Variants in KIF13B observed in about 807,000 individuals in gnomAD.
KIF13B encodes the protein kinesin family member 13B, also known as kinesin-like protein KIF13B.
A neutral mutation model predicts 222.0 loss-of-function variants in KIF13B; 127 were observed. The observed-to-expected ratio is 0.57, with a 90% CI of 0.50 to 0.66. The LOEUF is 0.66. Among genes scored for constraint, KIF13B ranks in the 30% least tolerant of loss-of-function variants. The pLI, the probability that KIF13B is intolerant of heterozygous loss-of-function variation, is 0.00. For missense variants in KIF13B, 2,173 were observed against 2,379.0 expected, an observed-to-expected ratio of 0.91 and a Z score of 1.80; for synonymous variants, 976 against 919.0, an observed-to-expected ratio of 1.06 and a Z score of -1.12.
intron 2 of KIF13B, among the ~76,000 whole-genome samples, chr8:29,225,726 C>A (rs1232784475): frequency 6.6e-6 from 1 of 152,146 alleles, no homozygotes; most frequent in Non-Finnish European, 1.5e-5. Context: ...AAAGAATGTT[C>A]GTCTGGGCAG....
At chr8:29,229,761 T>C (rs1347373012) in intron 2 of KIF13B, among the ~76,000 whole-genome samples, 1 of 152,164 alleles carries the variant, frequency 6.6e-6, no homozygotes, top group Non-Finnish European at 1.5e-5. Flanking sequence ...TAAATAAACA[T>C]CTTACAGTTG....
chr8:29,192,855 G>A (rs1442107600), intron 3 of KIF13B, among the ~76,000 whole-genome samples: 1 of 152,120 alleles, frequency 6.6e-6, no homozygotes, highest in East Asian at 1.9e-4. Flanking sequence ...AACCAAGAGT[G>A]CTTGCTTGTG....
intron 2 of KIF13B, among the ~76,000 whole-genome samples, chr8:29,223,373 G>A (rs1302062584): frequency 2.0e-5 from 3 of 147,172 alleles, no homozygotes. Context: ...AACATTTTCT[G>A]TACAAGACAA....
intron 34 of KIF13B, 81 bp downstream of exon 34, chr8:29,109,353 C>T (rs2291450): frequency 0.12 from 130,471 of 1,088,726 alleles, 10,168 homozygotes; most frequent in Admixed American, 0.31. Flanking sequence ...TGGGGTTTGA[C>T]GGGTGGAGAA....
intron 29 of KIF13B, among the ~76,000 whole-genome samples, chr8:29,122,113 G>A (rs2129732454): frequency 6.6e-6 from 1 of 152,192 alleles, no homozygotes; most frequent in South Asian, 2.1e-4. Flanking sequence ...AATTAGCCGG[G>A]CGTGGTGGCA....
intron 2 of KIF13B, among the ~76,000 whole-genome samples, chr8:29,235,558 G>A (rs1176806064): frequency 1.3e-5 from 2 of 152,130 alleles, no homozygotes; most frequent in African/African-American, 4.8e-5. Flanking sequence ...ATCTAGTGCA[G>A]ACCACCAAAG....
chr8:29,133,628 A>G (rs2129855362), intron 22 of KIF13B, among the ~76,000 whole-genome samples: 1 of 152,246 alleles, frequency 6.6e-6, no homozygotes, highest in South Asian at 2.1e-4. Context: ...TGCACTATCA[A>G]CAAAGATAAC....
At chr8:29,084,478 A>G (rs1698826165) in intron 37 of KIF13B, among the ~76,000 whole-genome samples, 1 of 152,176 alleles carries the variant, frequency 6.6e-6, no homozygotes, top group Non-Finnish European at 1.5e-5. Context: ...GCCTTTATCT[A>G]CCTACCACAC....
At chr8:29,173,000 C>T (rs1241742574) in intron 10 of KIF13B, among the ~76,000 whole-genome samples, 10 of 152,000 alleles carry the variant, frequency 6.6e-5, no homozygotes, top group Admixed American at 4.6e-4. Flanking sequence ...CTGCAACCTC[C>T]GACTCCCAGG....
Position 29,198,746 on chromosome 8 carries a change from G to A in KIF13B, c.150-2547C>T, listed in dbSNP as rs1285134991. ...AGACACATGCATATGTATGTTTATT[G>A]TAACACAGTTCCCAATTTGCAGCAC... is the stretch of plus-strand genomic sequence containing the variant. On this transcript the variant is annotated intron_variant, in intron 2 of 39. Transcript: ENST00000524189. Among the ~76,000 whole-genome samples the A allele has an allele frequency of 2.0e-5, 3 of 152,106 alleles. No individual in the cohort carries two copies. The East Asian group carries it at 5.8e-4, about 29-fold the overall frequency.
In KIF13B at chr8:29,075,422, A is replaced by AG. The variant is rs1344659246; in HGVS notation, c.4459-80dup. 42 of 1,340,972 alleles carry AG rather than the reference A, an allele frequency of 3.1e-5. No individual in the cohort carries two copies. The South Asian group carries it at 5.9e-4, about 19-fold the overall frequency. The allele number at this position is 1,340,972 out of a possible 1,614,324, so 83.1% of individuals were successfully genotyped here. ...GAAAGGTTTCCGCTGCACAGGCTGG[A>AG]GGGCCAGGACCTGCCCGAGGGGAAT... On this transcript the variant is annotated intron_variant, in intron 37 of 39. Coordinates refer to ENST00000524189, the MANE Select transcript of KIF13B (RefSeq NM_015254.4).
intron 14 of KIF13B, among the ~76,000 whole-genome samples, chr8:29,150,875 T>G (rs1174696455): frequency 6.6e-6 from 1 of 152,106 alleles, no homozygotes. Context: ...ATATTGAAAT[T>G]AGGCTAATTA....
At chr8:29,195,533 T>C (rs1238072962) in intron 3 of KIF13B, among the ~76,000 whole-genome samples, 2 of 152,174 alleles carry the variant, frequency 1.3e-5, no homozygotes, top group Non-Finnish European at 2.9e-5. Flanking sequence ...AGCCACGGAC[T>C]GTAAAGGAAA....
At position 29,068,194 on chromosome 8, in the gene KIF13B, C is replaced by G. The variant is rs1334122870; in HGVS notation, c.*2310G>C. 1 of 152,154 alleles carries G rather than the reference C, an allele frequency of 6.6e-6. No homozygotes were observed. Among genetic ancestry groups the G allele is most frequent in the Admixed American group, 6.5e-5 (1 of 15,286 alleles). 9.4% of individuals were successfully genotyped at this position (152,154 alleles called of 1,614,324 possible). On this transcript the variant is annotated 3_prime_UTR_variant, in exon 40 of 40. Coordinates refer to ENST00000524189, the MANE Select transcript of KIF13B (RefSeq NM_015254.4). This position sits in a 1 kb window ranked among gnomAD's most constrained non-coding sequence, Gnocchi z 4.4. The stretch of plus-strand genomic sequence containing the variant: ...TGCCACTCCTGGGGCCTTCCAGGAG[C>G]GCATCGGGAGTCCTAAGGCGGGTGG...
intron 26 of KIF13B, among the ~76,000 whole-genome samples, chr8:29,126,062 G>C (rs935374602): frequency 1.3e-5 from 2 of 151,970 alleles, no homozygotes; most frequent in African/African-American, 4.8e-5. Flanking sequence ...ACTCCAGCCT[G>C]GGCAACAGGG....
In KIF13B at chr8:29,090,271, G is replaced by A. The variant is rs150223337; in HGVS notation, c.4458+2474C>T. ...CACTGGAAGGTGTCACACCACTGAC[G>A]ACTGTGAGGCTGTGAAAGATCATTC... On this transcript the variant is annotated intron_variant, in intron 37 of 39. Transcript: ENST00000524189. Among the ~76,000 whole-genome samples the A allele has an allele frequency of 2.0e-3, 306 of 152,256 alleles. 3 individuals are homozygous for A. Among genetic ancestry groups the A allele is most frequent in the African/African-American group, 6.9e-3 (287 of 41,546 alleles).
chr8:29,163,386 A>G (rs1031184539), intron 12 of KIF13B, among the ~76,000 whole-genome samples: 2 of 152,224 alleles, frequency 1.3e-5, no homozygotes, highest in Non-Finnish European at 2.9e-5. Context: ...AAGATGTTAC[A>G]GAGCCCAGAG....
intron 2 of KIF13B, among the ~76,000 whole-genome samples, chr8:29,243,933 G>A (rs558153392): frequency 1.3e-5 from 2 of 152,248 alleles, no homozygotes; most frequent in African/African-American, 2.4e-5. Flanking sequence ...ACGTAAGACA[G>A]GTTCAAAAAA....
At chr8:29,139,962 G>A in intron 21 of KIF13B, 101 bp downstream of exon 21, 1 of 1,054,344 alleles carries the variant, frequency 9.5e-7, no homozygotes, top group Non-Finnish European at 1.4e-6. Flanking sequence ...TCAGCTATTA[G>A]GTTGGTGCAA....
Sources: gnomAD v4.1 joint callset for allele counts (sites outside exome capture counted in the v4.1 genomes callset) on GRCh38, gnomAD v4.1.1 for gene constraint, Gnocchi (gnomAD v3.1) non-coding constraint, MANE v1.5 for transcripts, NCBI Gene and HGNC (gene_info 2026-07-23, HGNC 2026-07-21) for gene names.